The following AGO1 variants were observed in gnomAD, a reference collection of about 807,000 sequenced individuals.
AGO1 encodes the protein argonaute RISC component 1.
Under a neutral mutation model 109.2 loss-of-function variants are expected in AGO1, and 11 were observed. The observed-to-expected ratio is 0.10, with a 90% confidence interval of 0.06 to 0.17. The LOEUF is 0.17. AGO1 is among the 10% of genes least tolerant of loss of function. AGO1 has a pLI of 1.00. For synonymous variants in AGO1, 422 were observed against 418.6 expected, an observed-to-expected ratio of 1.01 and a Z score of -0.10; for missense variants, 574 against 1,140.3, an observed-to-expected ratio of 0.50 and a Z score of 7.15.
intron 11 of AGO1, among the ~76,000 whole-genome samples, chr1:35,906,410 C>T (rs1182372387): frequency 2.0e-5 from 3 of 152,170 alleles, no homozygotes; most frequent in Non-Finnish European, 2.9e-5. Context: ...TGGGCTTCCT[C>T]GTCTCCTTGC....
rs1352780824 is a variant in AGO1, at chr1:35,925,335, C to T, written c.*5728C>T. On this transcript the variant is annotated 3_prime_UTR_variant, in exon 19 of 19. Transcript: ENST00000373204. The stretch of plus-strand genomic sequence containing the variant: ...AATTCTAAAATGGCTAAAACTAGGA[C>T]TTTCAAGTTCACCACAACTACCACC... 6.6e-6 allele frequency: 1 copy of T among 150,694 alleles called. No individual in the cohort carries two copies. The highest frequency in any genetic ancestry group is 2.5e-5 in the African/African-American group (1 of 40,782). The allele number at this position is 150,694 out of a possible 1,614,324, so 9.3% of individuals were successfully genotyped here.
chr1:35,913,331 G>A (rs1203569594), intron 12 of AGO1, among the ~76,000 whole-genome samples: 1 of 152,126 alleles, frequency 6.6e-6, no homozygotes, highest in Non-Finnish European at 1.5e-5. Context: ...CACCGGTCTT[G>A]TTAATCTAGG....
rs1430592479 is a variant in AGO1 at position 35,901,580 on chromosome 1, A to C, written c.1127A>C (p.Glu376Ala). 6.2e-7 allele frequency: 1 copy of C among 1,614,170 alleles called. No homozygotes were observed. The highest frequency in any genetic ancestry group is 8.5e-7 in the Non-Finnish European group (1 of 1,180,004). ...TARSAPDRQE[E>A]ISRLMKNASY... The stretch of plus-strand genomic sequence containing the variant: ...AGATCCGCTCCAGACAGACAGGAGG[A>C]GATCAGTCGCCTGGTCAGTGGGCCT... Residue 376 changes from glutamate (E) to alanine (A), a missense_variant, in exon 9 of 19, where the codon GAG becomes GCG. Coordinates refer to ENST00000373204, the MANE Select transcript of AGO1 (RefSeq NM_012199.5). The surrounding 1 kb of genome is among the most constrained non-coding windows in gnomAD (Gnocchi z 4.8).
At chr1:35,879,275 C>T (rs566688262), upstream of AGO1, among the ~76,000 whole-genome samples, 58 of 150,198 alleles carry the variant, frequency 3.9e-4, 1 homozygote, top group Admixed American at 2.8e-3. Context: ...ATGGAGAAAC[C>T]CTGTCTATAT....
At chr1:35,884,984 C>G (rs2148706960) in intron 1 of AGO1, among the ~76,000 whole-genome samples, 1 of 152,200 alleles carries the variant, frequency 6.6e-6, no homozygotes, top group African/African-American at 2.4e-5. Context: ...TTTTTTGTAG[C>G]AGACCTAACT....
intron 12 of AGO1, among the ~76,000 whole-genome samples, chr1:35,908,078 A>G (rs1645557755): frequency 6.6e-6 from 1 of 152,214 alleles, no homozygotes; most frequent in Admixed American, 6.5e-5. Context: ...CAGCTTGGGT[A>G]ACATAGTGAG....
chr1:35,906,186 T>C (rs988413795), intron 11 of AGO1, among the ~76,000 whole-genome samples: 2 of 152,232 alleles, frequency 1.3e-5, no homozygotes, highest in East Asian at 1.9e-4. Flanking sequence ...AATAATTGGC[T>C]CTTAGGTTTC....
In AGO1 at chr1:35,893,117, C is replaced by T. The variant is rs1306694761; in HGVS notation, c.351C>T (p.Ile117=). The change falls in exon 4 of 19, where the codon ATC becomes ATT. Residue 117 remains isoleucine (I), a synonymous_variant. Coordinates refer to ENST00000373204, the MANE Select transcript of AGO1 (RefSeq NM_012199.5). This position sits in a 1 kb window ranked among gnomAD's most constrained non-coding sequence, Gnocchi z 5.6. ...GNERVDFEVT[I]PGEGKDRIFK... ...TGAAGGTCGACTTTGAGGTGACAAT[C>T]CCTGGGGAAGGGAAGGATCGAATCT... The T allele has an allele frequency of 3.1e-6, 5 of 1,614,070 alleles. No homozygotes were observed. The East Asian group carries it at 8.9e-5, about 29-fold the overall frequency.
upstream of AGO1, chr1:35,883,179 G>GC (rs1645056146): frequency 3.5e-6 from 4 of 1,154,376 alleles, no homozygotes; most frequent in Admixed American, 9.6e-5. The surrounding 1 kb of genome is among the most constrained non-coding windows in gnomAD (Gnocchi z 5.4). Context: ...GTTCCGGTCC[G>GC]CCCCCTGGGC....
rs893885209 is a variant in AGO1, at chr1:35,927,096, G to C, written c.*7489G>C. 2.0e-5 allele frequency: 3 copies of C among 152,128 alleles called. No individual in the cohort carries two copies. The highest frequency in any genetic ancestry group is 7.2e-5 in the African/African-American group (3 of 41,422). 9.4% of individuals were successfully genotyped at this position (152,128 alleles called of 1,614,324 possible). A position where few individuals can be genotyped will look rare whatever the true frequency, so the allele number is the denominator to read the frequency against. ...TTAGCCAGGTTTTTGGAAAAGGCCT[G>C]TGGGCTATTAATGAGAGTGAGCTGC... On this transcript the variant is annotated 3_prime_UTR_variant, in exon 19 of 19. Coordinates refer to ENST00000373204, the MANE Select transcript of AGO1 (RefSeq NM_012199.5).
rs772785430 is a variant in AGO1, at chr1:35,876,260, GTTTGTTT to G, written c.-201+6368_-201+6374del. ...ACAGATGAGGAAATCCTTTTTTTTTGTTTGTTTTTTGTTTTTTTTTTTTTGAGACGGA... is the reference window on the plus strand; with the variant it reads ...ACAGATGAGGAAATCCTTTTTTTTTGTTTGTTTTTTTTTTTTTGAGACGGA... On this transcript the variant is annotated intron_variant, in intron 1 of 18. Transcript: ENST00000373206. Among the ~76,000 whole-genome samples, 16 of 150,746 alleles carry G rather than the reference GTTTGTTT, an allele frequency of 1.1e-4. No individual in the cohort carries two copies. In the East Asian group the frequency reaches 1.6e-3, roughly 15 times the overall value.
At chr1:35,891,770 G>T (rs1645223846) in intron 2 of AGO1, among the ~76,000 whole-genome samples, 3 of 152,032 alleles carry the variant, frequency 2.0e-5, no homozygotes, top group African/African-American at 7.2e-5. Context: ...TCTCCATGTT[G>T]CCCAGGCTGG....
intron 2 of AGO1, 115 bp from the exon 3 acceptor site, chr1:35,892,442 G>A: frequency 7.4e-7 from 1 of 1,342,458 alleles, no homozygotes; most frequent in Non-Finnish European, 1.1e-6. Flanking sequence ...CTGTCATAGA[G>A]TAGATGTTAG....
chr1:35,894,095 G>A lies in AGO1; in HGVS notation c.708G>A (p.Leu236=). Reference sequence around the variant, plus strand: ...TGATTGAGTTCATGTGTGAGGTGCTGGACATCAGGAACATAGATGAGCAGC... The same window carrying A: ...TGATTGAGTTCATGTGTGAGGTGCTAGACATCAGGAACATAGATGAGCAGC... ...QPVIEFMCEV[L]DIRNIDEQPK... is the part of the protein sequence containing the mutation. Residue 236 remains leucine, a synonymous_variant, in exon 6 of 19, where the codon CTG becomes CTA. Transcript: ENST00000373204. The A allele has an allele frequency of 6.3e-7, 1 of 1,587,488 alleles. No individual in the cohort carries two copies. The highest frequency in any genetic ancestry group is 8.6e-7 in the Non-Finnish European group (1 of 1,168,160).
chr1:35,927,926 A>C lies in AGO1; in HGVS notation c.*8319A>C, dbSNP rs1645960749. On this transcript the variant is annotated 3_prime_UTR_variant, in exon 19 of 19. Transcript: ENST00000373204. ...TCTACCTTGTAGAAACTGATGGTCT[A>C]GGAGAAGAGATTTGAACTCAGGTGC... is the stretch of plus-strand genomic sequence containing the variant. 1 of 152,372 alleles carries C rather than the reference A, an allele frequency of 6.6e-6. No homozygotes were observed. The highest frequency in any genetic ancestry group is 1.9e-4 in the East Asian group (1 of 5,190). The allele number at this position is 152,372 out of a possible 1,614,324, so 9.4% of individuals were successfully genotyped here. A position where few individuals can be genotyped will look rare whatever the true frequency, so the allele number is the denominator to read the frequency against.
In AGO1 at chr1:35,929,120, C is replaced by G. The variant is rs1283911043; in HGVS notation, c.*9513C>G. 6.6e-6 allele frequency: 1 copy of G among 152,244 alleles called. No individual in the cohort carries two copies. Among genetic ancestry groups the G allele is most frequent in the Non-Finnish European group, 1.5e-5 (1 of 68,060 alleles). 9.4% of individuals were successfully genotyped at this position (152,244 alleles called of 1,614,324 possible). The stretch of plus-strand genomic sequence containing the variant: ...AATACCCAATGACCCTGCTCTGTAC[C>G]CTTAAGAGCAGACTCAGTTGGGAAT... On this transcript the variant is annotated 3_prime_UTR_variant, in exon 19 of 19. Coordinates refer to ENST00000373204, the MANE Select transcript of AGO1 (RefSeq NM_012199.5).
intron 11 of AGO1, 61 bp downstream of exon 11, chr1:35,902,398 C>T: frequency 1.9e-6 from 3 of 1,585,630 alleles, no homozygotes; most frequent in South Asian, 1.2e-5. Context: ...GCCTGCCTTC[C>T]TGTAGTCCAC....
Position 35,901,796 on chromosome 1 carries a change from C to G in AGO1, c.1141-152C>G. 7.7e-7 allele frequency: 1 copy of G among 1,292,826 alleles called. No individual in the cohort carries two copies. Among genetic ancestry groups the G allele is most frequent in the Non-Finnish European group, 1.1e-6 (1 of 936,658 alleles). 80.1% of individuals were successfully genotyped at this position (1,292,826 alleles called of 1,614,324 possible). ...CCTGTATTACTTTGCTGTGTTATTC[C>G]CTCACTTCCCTCATCTTCCACTTTC... On this transcript the variant is annotated intron_variant, in intron 9 of 18. Coordinates refer to ENST00000373204, the MANE Select transcript of AGO1 (RefSeq NM_012199.5). This position sits in a 1 kb window ranked among gnomAD's most constrained non-coding sequence, Gnocchi z 4.8.
rs1164513720 is a variant in AGO1, at chr1:35,893,575, G to A, written c.513-99G>A. 4 of 1,292,350 alleles carry A rather than the reference G, an allele frequency of 3.1e-6. No homozygotes were observed. Among genetic ancestry groups the A allele is most frequent in the Non-Finnish European group, 3.1e-6 (3 of 954,240 alleles). 80.1% of individuals were successfully genotyped at this position (1,292,350 alleles called of 1,614,324 possible). Reference sequence around the variant, plus strand: ...GCATCAGAGCTGGCATTAAAGCCCCGGTGTCCTGCCTTTCAGGCCAGGGCT... The same window carrying A: ...GCATCAGAGCTGGCATTAAAGCCCCAGTGTCCTGCCTTTCAGGCCAGGGCT... On this transcript the variant is annotated intron_variant, in intron 4 of 18. Transcript: ENST00000373204. The surrounding 1 kb of genome is among the most constrained non-coding windows in gnomAD (Gnocchi z 5.6).
Sources: allele counts gnomAD v4.1 joint callset (sites outside exome capture counted in the v4.1 genomes callset), GRCh38; gene constraint gnomAD v4.1.1; non-coding constraint Gnocchi (gnomAD v3.1); transcripts MANE v1.5; gene names NCBI Gene and HGNC (gene_info 2026-07-23, HGNC 2026-07-21).